ESRRB: variants seen among roughly 807,000 people sequenced by gnomAD.
ESRRB encodes the protein estrogen related receptor beta.
Under a neutral mutation model 46.0 loss-of-function variants are expected in ESRRB, and 16 were observed. That is an observed-to-expected ratio of 0.35 (90% CI 0.24 to 0.53). ESRRB has a LOEUF of 0.53. ESRRB is among the 20% of genes least tolerant of loss of function. ESRRB has a pLI of 0.93. For missense variants in ESRRB, 488 were observed against 607.4 expected (o/e 0.80, Z 2.07); for synonymous variants, 246 against 259.6 (o/e 0.95, Z 0.50).
intron 1 of ESRRB, among the ~76,000 whole-genome samples, chr14:76,400,650 G>A (rs1366175770): frequency 1.3e-5 from 2 of 152,186 alleles, no homozygotes; most frequent in Non-Finnish European, 2.9e-5. Context: ...TTGTGTGGTT[G>A]GAAGATGGGA....
intron 1 of ESRRB, among the ~76,000 whole-genome samples, chr14:76,316,265 C>A (rs546817292): frequency 6.6e-6 from 1 of 152,304 alleles, no homozygotes; most frequent in East Asian, 1.9e-4. Context: ...CAGGGACTCA[C>A]GATGCGGCCA....
chr14:76,338,221 C>A (rs1455267115), intron 1 of ESRRB, among the ~76,000 whole-genome samples: 1 of 152,236 alleles, frequency 6.6e-6, no homozygotes, highest in African/African-American at 2.4e-5. Flanking sequence ...CAAATTACTT[C>A]TATTTATTAG....
intron 3 of ESRRB, among the ~76,000 whole-genome samples, chr14:76,465,359 T>C (rs957488547): frequency 6.6e-6 from 1 of 152,134 alleles, no homozygotes; most frequent in Non-Finnish European, 1.5e-5. Flanking sequence ...CTTTAGGGGC[T>C]ATGCAGTGCT....
intron 2 of ESRRB, among the ~76,000 whole-genome samples, chr14:76,462,075 A>G (rs868054796): frequency 2.6e-5 from 4 of 152,318 alleles, no homozygotes; most frequent in Middle Eastern, 3.4e-3. Flanking sequence ...TGGGATGCAG[A>G]ACCCGGGCCT....
intron 2 of ESRRB, among the ~76,000 whole-genome samples, chr14:76,448,101 C>T (rs1888227540): frequency 1.3e-5 from 2 of 152,128 alleles, no homozygotes; most frequent in African/African-American, 4.8e-5. Context: ...CTCTCTGTTG[C>T]ACCTACTCCC....
At chr14:76,462,480 C>G in intron 2 of ESRRB, 65 bp from the exon 3 acceptor site, 1 of 1,249,012 alleles carries the variant, frequency 8.0e-7, no homozygotes, top group Non-Finnish European at 1.2e-6. Context: ...CCAGCCAGCC[C>G]TGCGCTGGCA....
intron 1 of ESRRB, among the ~76,000 whole-genome samples, chr14:76,438,265 G>A (rs561556158): frequency 2.0e-4 from 31 of 152,112 alleles, no homozygotes; most frequent in Non-Finnish European, 3.5e-4. Flanking sequence ...ATAACCTGTT[G>A]CCTCTGGTTC....
chr14:76,384,445 C>G (rs570336549), intron 1 of ESRRB, among the ~76,000 whole-genome samples: 1 of 152,212 alleles, frequency 6.6e-6, no homozygotes, highest in African/African-American at 2.4e-5. Context: ...CATAAACATG[C>G]AAAGGCTGCA....
chr14:76,376,259 C>A lies in ESRRB; in HGVS notation c.-143C>A. The stretch of plus-strand genomic sequence containing the variant: ...CGGCTCTCTGCCTCCCTCTCCCCCG[C>A]CGCGGCCGCCTCCTCCCACTCTGCG... On this transcript the variant is annotated 5_prime_UTR_variant, in exon 1 of 7. Transcript: ENST00000644823. This position sits in a 1 kb window ranked among gnomAD's most constrained non-coding sequence, Gnocchi z 4.1. 2.0e-6 allele frequency: 1 copy of A among 492,114 alleles called. No homozygotes were observed. Among genetic ancestry groups the A allele is most frequent in the Non-Finnish European group, 3.2e-6 (1 of 312,396 alleles). The allele number at this position is 492,114 out of a possible 1,614,324, so 30.5% of individuals were successfully genotyped here. A position where few individuals can be genotyped will look rare whatever the true frequency, so the allele number is the denominator to read the frequency against.
intron 1 of ESRRB, among the ~76,000 whole-genome samples, chr14:76,418,246 C>A (rs971913111): frequency 6.6e-6 from 1 of 152,146 alleles, no homozygotes; most frequent in Non-Finnish European, 1.5e-5. Flanking sequence ...TGAGCCACTG[C>A]GCCTGACCTT....
chr14:76,344,206 C>T (rs1884222515), intron 1 of ESRRB, among the ~76,000 whole-genome samples: 1 of 152,192 alleles, frequency 6.6e-6, no homozygotes, highest in African/African-American at 2.4e-5. Context: ...AGAATAATGC[C>T]TGGCATGTGT....
At chr14:76,446,842 CCT>C (rs1888168649) in intron 2 of ESRRB, among the ~76,000 whole-genome samples, 1 of 152,126 alleles carries the variant, frequency 6.6e-6, no homozygotes, top group Non-Finnish European at 1.5e-5. Flanking sequence ...AAGAGGAGTG[CCT>C]CTGAGAGATG....
chr14:76,470,610 G>T (rs891558345), intron 3 of ESRRB, among the ~76,000 whole-genome samples: 1 of 152,228 alleles, frequency 6.6e-6, no homozygotes, highest in Non-Finnish European at 1.5e-5. Context: ...TGTGTACCCA[G>T]CTAAAACGTT....
intron 1 of ESRRB, among the ~76,000 whole-genome samples, chr14:76,317,501 C>G (rs1335412974): frequency 6.6e-6 from 1 of 152,090 alleles, no homozygotes; most frequent in African/African-American, 2.4e-5. Flanking sequence ...GCACACAGGT[C>G]AGCTGGGGGA....
At chr14:76,423,803 C>T (rs113433445) in intron 1 of ESRRB, among the ~76,000 whole-genome samples, 4 of 152,230 alleles carry the variant, frequency 2.6e-5, no homozygotes, top group East Asian at 3.9e-4. Flanking sequence ...CCATCATATA[C>T]GGGGAGCAAA....
chr14:76,358,407 G>GAAAGA lies in ESRRB; in HGVS notation c.2+47505_2+47509dup, dbSNP rs1566859734. ...AGAAAGAAAGAAAGAAAGAAAGAAA[G>GAAAGA]AAAGAAAAGAAAAGAAAAAGAAAAA... On this transcript the variant is annotated intron_variant, in intron 1 of 6. Coordinates refer to the ESRRB transcript ENST00000512784. Among the ~76,000 whole-genome samples the GAAAGA allele has an allele frequency of 3.4e-4, 43 of 128,112 alleles. 1 individual carries two copies. Among genetic ancestry groups the GAAAGA allele is most frequent in the East Asian group, 1.7e-3 (7 of 4,206 alleles). 84.0% of individuals were successfully genotyped at this position (128,112 alleles called of 152,430 possible). A position where few individuals can be genotyped will look rare whatever the true frequency, so the allele number is the denominator to read the frequency against.
intron 1 of ESRRB, among the ~76,000 whole-genome samples, chr14:76,379,017 G>A (rs1430010737): frequency 1.3e-5 from 2 of 152,142 alleles, no homozygotes; most frequent in Non-Finnish European, 2.9e-5. Context: ...CTAGAGTTGA[G>A]GGAGGAGGAA....
chr14:76,500,150 G>A lies in ESRRB; in HGVS notation c.*1692G>A. ...GGAACCTCCCGGCCTGGGCTTCTGG[G>A]CTGGGACGTGCTGAGGTCATCCCAG... On this transcript the variant is annotated 3_prime_UTR_variant, in exon 7 of 7. Transcript: ENST00000644823. 8.5e-7 allele frequency: 1 copy of A among 1,178,708 alleles called. No homozygotes were observed. Among genetic ancestry groups the A allele is most frequent in the African/African-American group, 1.5e-5 (1 of 65,418 alleles). The allele number at this position is 1,178,708 out of a possible 1,614,324, so 73.0% of individuals were successfully genotyped here.
chr14:76,364,230 A>G (rs1361816153), intron 1 of ESRRB, among the ~76,000 whole-genome samples: 1 of 152,226 alleles, frequency 6.6e-6, no homozygotes, highest in Non-Finnish European at 1.5e-5. Context: ...AATAAGAAAT[A>G]GAGTTTCTGT....
Sources: gnomAD v4.1 joint callset for allele counts (sites outside exome capture counted in the v4.1 genomes callset) on GRCh38, gnomAD v4.1.1 for gene constraint, Gnocchi (gnomAD v3.1) non-coding constraint, MANE v1.5 for transcripts, NCBI Gene and HGNC (gene_info 2026-07-23, HGNC 2026-07-21) for gene names.